SSPN: variants seen among roughly 807,000 people sequenced by gnomAD.
The protein encoded by SSPN is sarcospan, also known as K-ras oncogene-associated protein.
SSPN carries 15 observed loss-of-function variants against 19.1 expected under a neutral mutation model. The ratio of observed to expected loss-of-function variants is 0.78; its 90% CI spans 0.52 to 1.21. The LOEUF (loss-of-function observed/expected upper bound fraction) is 1.21, where lower values mean the gene tolerates loss of function less well. SSPN is among the 50% of genes most tolerant of loss of function. SSPN has a pLI of 0.00. For synonymous variants in SSPN, 147 were observed against 140.3 expected (o/e 1.05, Z -0.34); for missense variants, 291 against 314.0 (o/e 0.93, Z 0.55).
At chr12:26,221,513 T>C (rs1945120346) in intron 1 of SSPN, among the ~76,000 whole-genome samples, 1 of 152,224 alleles carries the variant, frequency 6.6e-6, no homozygotes, top group Non-Finnish European at 1.5e-5. Context: ...TTCTGTGAAT[T>C]GAATAAGTCA....
intron 1 of SSPN, among the ~76,000 whole-genome samples, chr12:26,146,826 A>AAAAAAAAG (rs1475161008): frequency 3.4e-4 from 52 of 151,688 alleles, no homozygotes; most frequent in Non-Finnish European, 6.6e-4. Context: ...TCTAAAAAAA[A>AAAAAAAAG]AAAAGAAAGA....
At chr12:26,172,580 G>A (rs1354457882) in intron 1 of SSPN, among the ~76,000 whole-genome samples, 1 of 152,130 alleles carries the variant, frequency 6.6e-6, no homozygotes, top group African/African-American at 2.4e-5. Context: ...TTCAATAAAC[G>A]GCATTTGCAT....
intron 1 of SSPN, among the ~76,000 whole-genome samples, chr12:26,201,046 T>TATATAATATATATATATATATAAAA (rs59727119): frequency 3.9e-5 from 3 of 77,212 alleles, no homozygotes; most frequent in Non-Finnish European, 7.0e-5. Context: ...TATATATATA[T>TATATAATATATATATATATATAAAA]TATATATATA....
intron 1 of SSPN, among the ~76,000 whole-genome samples, chr12:26,150,672 C>T (rs568841083): frequency 6.7e-4 from 102 of 151,990 alleles, no homozygotes; most frequent in African/African-American, 2.4e-3. Flanking sequence ...TTAAGGGAAA[C>T]CTTTGAGACC....
intron 2 of SSPN, among the ~76,000 whole-genome samples, chr12:26,227,851 C>G (rs1366442075): frequency 6.6e-6 from 1 of 152,138 alleles, no homozygotes; most frequent in Non-Finnish European, 1.5e-5. Flanking sequence ...AACCTGACTC[C>G]CTGGTTCACG....
intron 1 of SSPN, 113 bp downstream of exon 1, chr12:26,196,064 T>C: frequency 1.1e-6 from 1 of 916,892 alleles, no homozygotes. Context: ...TTCACTCTTC[T>C]AACTCGCGCT....
In SSPN at chr12:26,169,031, G is replaced by GAA. The variant is rs57319271; in HGVS notation, c.-31+46888_-31+46889dup. On this transcript the variant is annotated intron_variant, in intron 1 of 2. Coordinates refer to the SSPN transcript ENST00000538142. The stretch of plus-strand genomic sequence containing the variant: ...AAAGGAAGATTATGGGCCTCATTTT[G>GAA]AAAAAAAAAACACTTAAGGTAATGA... Among the ~76,000 whole-genome samples the GAA allele has an allele frequency of 4.2e-3, 610 of 145,464 alleles. 4 individuals are homozygous for GAA. Among genetic ancestry groups the GAA allele is most frequent in the African/African-American group, 0.011 (445 of 39,826 alleles).
At chr12:26,223,457 G>A (rs542220280) in intron 1 of SSPN, among the ~76,000 whole-genome samples, 9 of 152,302 alleles carry the variant, frequency 5.9e-5, no homozygotes, top group East Asian at 1.9e-4. Flanking sequence ...TGATCCACCC[G>A]CCTCGGCCTC....
intron 1 of SSPN, among the ~76,000 whole-genome samples, chr12:26,141,923 G>A (rs1412912408): frequency 1.3e-5 from 2 of 152,186 alleles, no homozygotes; most frequent in Non-Finnish European, 2.9e-5. Context: ...CTCATATGGG[G>A]AGTCACAGGC....
chr12:26,230,467 CTCTTGAAAAGGGCCCAACA>C (rs1417923270), intron 2 of SSPN, among the ~76,000 whole-genome samples: 4 of 152,166 alleles, frequency 2.6e-5, no homozygotes, highest in Non-Finnish European at 5.9e-5. Context: ...GTTGTCACAA[CTCTTGAAAAGGGCCCAACA>C]TCTGGATGGC....
In SSPN at chr12:26,174,528, CCTTT is replaced by C. The variant is rs1357660230; in HGVS notation, c.-30-49760_-30-49757del. On this transcript the variant is annotated intron_variant, in intron 1 of 2. Transcript: ENST00000538142. ...CCCTTCCTTCCTTCCTTCCTTCCTT[CCTTT>C]CTTTTTTTGACAGAATCTCACTCTA... is the stretch of plus-strand genomic sequence containing the variant. Among the ~76,000 whole-genome samples the C allele has an allele frequency of 8.0e-4, 111 of 139,118 alleles. 1 individual carries two copies. Among genetic ancestry groups the C allele is most frequent in the Admixed American group, 5.2e-3 (75 of 14,442 alleles). 91.3% of individuals were successfully genotyped at this position (139,118 alleles called of 152,430 possible).
chr12:26,225,832 C>T (rs1405869830), intron 2 of SSPN, among the ~76,000 whole-genome samples: 2 of 151,644 alleles, frequency 1.3e-5, no homozygotes, highest in Non-Finnish European at 2.9e-5. Flanking sequence ...CTGAAGAACA[C>T]CCCAAACTAG....
intron 1 of SSPN, among the ~76,000 whole-genome samples, chr12:26,164,040 C>T (rs1270452212): frequency 6.6e-6 from 1 of 152,176 alleles, no homozygotes; most frequent in Admixed American, 6.5e-5. Flanking sequence ...ATGGCCTGCA[C>T]ATTAATGTAG....
At chr12:26,191,613 C>T (rs1020840473), upstream of SSPN, among the ~76,000 whole-genome samples, 1 of 151,800 alleles carries the variant, frequency 6.6e-6, no homozygotes, top group African/African-American at 2.4e-5. Flanking sequence ...CCCAAAGGCA[C>T]ATTTAGAATT....
In SSPN at chr12:26,136,464, GA is replaced by G. The variant is rs1213858354; in HGVS notation, c.-31+14315del. On this transcript the variant is annotated intron_variant, in intron 1 of 2. Coordinates refer to the SSPN transcript ENST00000538142. Reference sequence around the variant, plus strand: ...CGGTTATCTCAAATGTAACTACAGAGAAATAGCAGTACCTCCCTCTGTTTAT... The same window carrying G: ...CGGTTATCTCAAATGTAACTACAGAGAATAGCAGTACCTCCCTCTGTTTAT... Among the ~76,000 whole-genome samples the G allele has an allele frequency of 8.1e-4, 123 of 152,190 alleles. 1 individual carries two copies. Among genetic ancestry groups the G allele is most frequent in the Non-Finnish European group, 4.4e-5 (3 of 68,032 alleles).
At chr12:26,219,718 G>A (rs10771271) in intron 1 of SSPN, among the ~76,000 whole-genome samples, 70,488 of 151,948 alleles carry the variant, frequency 0.46, 16,972 homozygotes, top group Non-Finnish European at 0.54. Flanking sequence ...TTTTCTTATC[G>A]ACTTAATTAT....
intron 1 of SSPN, chr12:26,181,154 GTCGTATCAGTAGATAAACTGCGA>G (rs1345807903): frequency 6.6e-6 from 1 of 152,150 alleles, no homozygotes; most frequent in East Asian, 1.9e-4. Context: ...TCTCACTGAG[GTCGTATCAGTAGATAAACTGCGA>G]TCTCTGTGGA....
intron 1 of SSPN, among the ~76,000 whole-genome samples, chr12:26,182,696 T>C (rs1231831617): frequency 2.0e-5 from 3 of 148,958 alleles, no homozygotes; most frequent in East Asian, 4.0e-4. Flanking sequence ...AAATAATCTA[T>C]GGCATCTTTG....
chr12:26,164,283 A>T (rs1399413218), intron 1 of SSPN, among the ~76,000 whole-genome samples: 1 of 152,234 alleles, frequency 6.6e-6, no homozygotes, highest in African/African-American at 2.4e-5. Flanking sequence ...CCAAGAACTT[A>T]TTATGTCATA....
Sources: allele counts gnomAD v4.1 joint callset (sites outside exome capture counted in the v4.1 genomes callset), GRCh38; gene constraint gnomAD v4.1.1; transcripts MANE v1.5; gene names NCBI Gene and HGNC (gene_info 2026-07-23, HGNC 2026-07-21).